Variants in TCF7L2 observed in about 807,000 individuals in gnomAD.
The protein encoded by TCF7L2 is transcription factor 7 like 2.
Under a neutral mutation model 77.9 loss-of-function variants are expected in TCF7L2, and 23 were observed. That is an observed-to-expected ratio of 0.30 (90% confidence interval 0.21 to 0.42). The LOEUF (loss-of-function observed/expected upper bound fraction) is 0.42. Among genes scored for constraint, TCF7L2 ranks in the 10% least tolerant of loss-of-function variants. The pLI, the probability that TCF7L2 is intolerant of heterozygous loss-of-function variation, is 1.00. For synonymous variants in TCF7L2, 413 were observed against 340.2 expected, an observed-to-expected ratio of 1.21 and a Z score of -2.36; for missense variants, 654 against 793.1, an observed-to-expected ratio of 0.82 and a Z score of 2.11.
At chr10:113,142,689 T>C (rs2068589941) in intron 6 of TCF7L2, among the ~76,000 whole-genome samples, 1 of 152,206 alleles carries the variant, frequency 6.6e-6, no homozygotes, top group African/African-American at 2.4e-5. Context: ...AGCCTGGCGC[T>C]TGGATGCCTG....
intron 5 of TCF7L2, among the ~76,000 whole-genome samples, chr10:113,068,683 C>T (rs905464116): frequency 3.3e-5 from 5 of 152,104 alleles, no homozygotes; most frequent in African/African-American, 1.2e-4. Flanking sequence ...AATTGACTAC[C>T]CTTCTCTTTC....
intron 4 of TCF7L2, among the ~76,000 whole-genome samples, chr10:113,022,453 A>G (rs565148304): frequency 2.3e-3 from 357 of 152,340 alleles, no homozygotes; most frequent in Non-Finnish European, 3.9e-3. Flanking sequence ...ATGGAGAAAC[A>G]GGAAAATTCC....
At chr10:113,165,533 T>A (rs112016311) in intron 13 of TCF7L2, 22 bp from the exon 15 acceptor site, 1 of 1,612,504 alleles carries the variant, frequency 6.2e-7, no homozygotes, top group Non-Finnish European at 8.5e-7. Flanking sequence ...TATTCACAGA[T>A]AACTCTCTCC....
chr10:113,165,646 C>G lies in TCF7L2; in HGVS notation c.1483C>G (p.Pro495Ala), dbSNP rs201257936. 1.5e-3 allele frequency: 2,372 copies of G among 1,612,648 alleles called. 44 individuals carry two copies. In the South Asian group the frequency reaches 0.024, roughly 17 times the overall value. Residue 495 changes from proline (P) to alanine (A), a missense_variant, in exon 14 of 14, where the codon CCC becomes GCC. Transcript: ENST00000627217. The stretch of plus-strand genomic sequence containing the variant: ...TGGAAGCTTACTAGATTCGCCTCCC[C>G]CCTCCCCGAACCTGCTAGGCTCCCC...
intron 4 of TCF7L2, among the ~76,000 whole-genome samples, chr10:112,977,687 T>TCACAG: frequency 6.6e-6 from 1 of 152,198 alleles, no homozygotes; most frequent in African/African-American, 2.4e-5. Flanking sequence ...TGTGTTTAAT[T>TCACAG]CATTTGGACC....
chr10:113,051,800 C>G (rs2054521664), intron 5 of TCF7L2, among the ~76,000 whole-genome samples: 1 of 152,130 alleles, frequency 6.6e-6, no homozygotes, highest in Non-Finnish European at 1.5e-5. Flanking sequence ...GTTTTCTTTT[C>G]TGGCTTCTGT....
In TCF7L2 at chr10:112,950,613, C is replaced by G; in HGVS notation, c.-144C>G. ...TTCCCCTCCCCAGGAGAAAAAGACC[C>G]CCAAGCAGAAAAAAGTTCACCTTGG... On this transcript the variant is annotated 5_prime_UTR_variant, in exon 1 of 14. Transcript: ENST00000627217. 1 of 881,294 alleles carries G rather than the reference C, an allele frequency of 1.1e-6. No homozygotes were observed. The highest frequency in any genetic ancestry group is 3.6e-4 in the Middle Eastern group (1 of 2,812). The allele number at this position is 881,294 out of a possible 1,614,324, so 54.6% of individuals were successfully genotyped here. A position where few individuals can be genotyped will look rare whatever the true frequency, so the allele number is the denominator to read the frequency against.
Position 113,158,782 on chromosome 10 carries a change from A to G in TCF7L2, c.1318+713A>G. ...CTGTTTTTTAATTTTTCTTGCCATT[A>G]TAGTTTTATTAACATTTAAACACGT... is the stretch of plus-strand genomic sequence containing the variant. On this transcript the variant is annotated intron_variant, in intron 12 of 13. Coordinates refer to ENST00000627217, the MANE Select transcript of TCF7L2 (RefSeq NM_001146274.2). 3.9e-6 allele frequency: 6 copies of G among 1,525,668 alleles called. No individual in the cohort carries two copies. In the South Asian group the frequency reaches 5.8e-5, roughly 15 times the overall value. The allele number at this position is 1,525,668 out of a possible 1,614,324, so 94.5% of individuals were successfully genotyped here.
intron 5 of TCF7L2, among the ~76,000 whole-genome samples, chr10:113,102,162 T>G (rs1485031058): frequency 2.7e-5 from 4 of 147,154 alleles, no homozygotes; most frequent in Non-Finnish European, 6.0e-5. Flanking sequence ...AATGTGGTTT[T>G]GGTACTCAGT....
At chr10:113,139,657 G>T (rs1453283495) in intron 5 of TCF7L2, among the ~76,000 whole-genome samples, 1 of 152,080 alleles carries the variant, frequency 6.6e-6, no homozygotes, top group Non-Finnish European at 1.5e-5. Flanking sequence ...TTCTTTTTCT[G>T]TAGTTTTTTT....
intron 13 of TCF7L2, chr10:113,161,484 T>C (rs368900352): frequency 2.2e-6 from 3 of 1,366,016 alleles, no homozygotes; most frequent in Non-Finnish European, 2.0e-6. Context: ...TACTTCCTTC[T>C]TGGTGGAGGG....
chr10:113,161,644 G>C, intron 13 of TCF7L2: 1 of 1,534,990 alleles, frequency 6.5e-7, no homozygotes, highest in South Asian at 1.2e-5. Context: ...CCTGTTTGTA[G>C]TGCCTCCCTC....
chr10:113,029,157 G>C (rs150820819), intron 4 of TCF7L2, among the ~76,000 whole-genome samples: 38 of 152,208 alleles, frequency 2.5e-4, no homozygotes, highest in Non-Finnish European at 4.4e-4. Flanking sequence ...GAGGTCACAG[G>C]GTACTAGAGA....
chr10:113,051,527 T>C (rs1286833799), intron 5 of TCF7L2, among the ~76,000 whole-genome samples: 2 of 152,256 alleles, frequency 1.3e-5, no homozygotes, highest in Non-Finnish European at 2.9e-5. Context: ...GAACATGAAC[T>C]GATTCTTCTA....
intron 5 of TCF7L2, among the ~76,000 whole-genome samples, chr10:113,061,833 G>A (rs2056498697): frequency 6.6e-6 from 1 of 152,210 alleles, no homozygotes; most frequent in Admixed American, 6.5e-5. Context: ...AGTTGGCAAC[G>A]CCTGCCCTCT....
At chr10:113,137,409 T>C (rs965274347) in intron 5 of TCF7L2, among the ~76,000 whole-genome samples, 1 of 152,208 alleles carries the variant, frequency 6.6e-6, no homozygotes, top group African/African-American at 2.4e-5. Flanking sequence ...TCTCATTCAG[T>C]TTTCACAACT....
At chr10:113,130,058 A>C in intron 5 of TCF7L2, 8 of 1,051,834 alleles carry the variant, frequency 7.6e-6, no homozygotes, top group Non-Finnish European at 9.3e-6. Flanking sequence ...TATGGTATTG[A>C]CCATTAAACC....
Position 113,166,768 on chromosome 10 carries a change from G to C in TCF7L2, c.*796G>C, listed in dbSNP as rs566370018. 4.4e-6 allele frequency: 1 copy of C among 226,410 alleles called. No individual in the cohort carries two copies. The highest frequency in any genetic ancestry group is 2.2e-5 in the African/African-American group (1 of 44,690). The allele number at this position is 226,410 out of a possible 1,614,324, so 14.0% of individuals were successfully genotyped here. ...ATATATAACAACTCATTTGTACAAG[G>C]TTTTTAAGTTTATATATAAAATGTG... is the stretch of plus-strand genomic sequence containing the variant. On this transcript the variant is annotated 3_prime_UTR_variant, in exon 14 of 14. Transcript: ENST00000627217.
chr10:113,158,851 G>A (rs1412372884), intron 12 of TCF7L2, 134 bp downstream of exon 13: 7 of 732,910 alleles, frequency 9.6e-6, no homozygotes, highest in South Asian at 2.9e-5. Flanking sequence ...ACACGGTTTC[G>A]TATGTTTCAG....
Sources: allele counts gnomAD v4.1 joint callset (sites outside exome capture counted in the v4.1 genomes callset), GRCh38; gene constraint gnomAD v4.1.1; transcripts MANE v1.5; gene names NCBI Gene and HGNC (gene_info 2026-07-23, HGNC 2026-07-21).